The following ADAMTS20 variants were observed in gnomAD, a reference collection of about 807,000 sequenced individuals.
The protein encoded by ADAMTS20 is ADAM metallopeptidase with thrombospondin type 1 motif 20, also known as A disintegrin and metalloproteinase with thrombospondin motifs 20.
Under a neutral mutation model 260.1 loss-of-function variants are expected in ADAMTS20, and 225 were observed. That is an observed-to-expected ratio of 0.87 (90% confidence interval 0.78 to 0.97). ADAMTS20 has a LOEUF of 0.97. ADAMTS20 is among the 50% of genes least tolerant of loss of function. The pLI is 0.00. For missense variants in ADAMTS20, 2,400 were observed against 2,337.7 expected, an observed-to-expected ratio of 1.03 and a Z score of -0.55; for synonymous variants, 802 against 769.5, an observed-to-expected ratio of 1.04 and a Z score of -0.70.
At chr12:43,457,509 C>T (rs1278860524) in intron 11 of ADAMTS20, among the ~76,000 whole-genome samples, 1 of 152,142 alleles carries the variant, frequency 6.6e-6, no homozygotes, top group Non-Finnish European at 1.5e-5. Flanking sequence ...TGACTATTTA[C>T]TAGAATGTCT....
intron 10 of ADAMTS20, among the ~76,000 whole-genome samples, chr12:43,464,041 T>C (rs944553672): frequency 5.3e-5 from 8 of 152,124 alleles, no homozygotes; most frequent in African/African-American, 1.4e-4. Context: ...ATCATAATTA[T>C]AGATCTAATA....
At chr12:43,492,239 G>T (rs1022263899) in intron 6 of ADAMTS20, among the ~76,000 whole-genome samples, 1 of 151,974 alleles carries the variant, frequency 6.6e-6, no homozygotes, top group African/African-American at 2.4e-5. Context: ...AATTAGCCGG[G>T]CGTGGTGGCG....
chr12:43,365,051 T>TA (rs1405675053), intron 37 of ADAMTS20, among the ~76,000 whole-genome samples: 2 of 151,900 alleles, frequency 1.3e-5, no homozygotes, highest in African/African-American at 4.8e-5. Context: ...CCCAATAAGA[T>TA]AAACAGCTGA....
chr12:43,421,993 A>G (rs533929072), intron 28 of ADAMTS20, among the ~76,000 whole-genome samples: 9 of 152,154 alleles, frequency 5.9e-5, no homozygotes, highest in African/African-American at 2.2e-4. Flanking sequence ...TTTAAGTGCA[A>G]GGAGTAAAAA....
At chr12:43,482,347 G>T (rs1339687281) in intron 7 of ADAMTS20, among the ~76,000 whole-genome samples, 1 of 152,246 alleles carries the variant, frequency 6.6e-6, no homozygotes, top group East Asian at 1.9e-4. Context: ...AGGAAAGGGT[G>T]TGGCGTGAAA....
intron 28 of ADAMTS20, among the ~76,000 whole-genome samples, chr12:43,415,888 T>A (rs1429571109): frequency 1.3e-5 from 2 of 152,240 alleles, no homozygotes; most frequent in Non-Finnish European, 2.9e-5. Context: ...AATCTTGTTA[T>A]GCATCATCAG....
chr12:43,493,152 T>A lies in ADAMTS20; in HGVS notation c.951+18A>T. On this transcript the variant is annotated intron_variant, in intron 5 of 38. Transcript: ENST00000389420. ...ACTTACTACAACTAAGGTTACTAAT[T>A]TTAGACCTGTTTCTTACCTCCTCAC... 1 of 1,519,582 alleles carries A rather than the reference T, an allele frequency of 6.6e-7. No individual in the cohort carries two copies. The highest frequency in any genetic ancestry group is 2.4e-5 in the East Asian group (1 of 41,986). The allele number at this position is 1,519,582 out of a possible 1,614,324, so 94.1% of individuals were successfully genotyped here. A position where few individuals can be genotyped will look rare whatever the true frequency, so the allele number is the denominator to read the frequency against.
intron 28 of ADAMTS20, among the ~76,000 whole-genome samples, chr12:43,406,371 T>C (rs1427473515): frequency 6.6e-6 from 1 of 152,124 alleles, no homozygotes; most frequent in Non-Finnish European, 1.5e-5. Flanking sequence ...TTAAAAATTT[T>C]TAATAAAAAA....
chr12:43,524,754 T>C (rs1943118879), intron 3 of ADAMTS20, among the ~76,000 whole-genome samples: 1 of 152,110 alleles, frequency 6.6e-6, no homozygotes, highest in African/African-American at 2.4e-5. Context: ...ACAATTACAA[T>C]GAAGCATTTC....
rs201109733 is a variant in ADAMTS20 at position 43,377,362 on chromosome 12, G to A, written c.4995+3C>T. On this transcript the variant is annotated splice_donor_region_variant and intron_variant, in intron 32 of 38. Coordinates refer to ENST00000389420, the MANE Select transcript of ADAMTS20 (RefSeq NM_025003.5). ...GTTTTAAAATTCATAATTGTACACC[G>A]ACCTTGCTCCATTTTCCAACTTTCC... The A allele has an allele frequency of 4.3e-5, 69 of 1,607,052 alleles. No homozygotes were observed. Among genetic ancestry groups the A allele is most frequent in the East Asian group, 2.0e-4 (9 of 44,814 alleles).
chr12:43,448,314 T>C (rs1941800183), intron 14 of ADAMTS20, among the ~76,000 whole-genome samples: 1 of 151,934 alleles, frequency 6.6e-6, no homozygotes, highest in Non-Finnish European at 1.5e-5. Flanking sequence ...TGGAACAGAA[T>C]AGAAAGACCA....
rs559060196 is a variant in ADAMTS20 at position 43,538,757 on chromosome 12, A to T, written c.454-6562T>A. 8.5e-5 allele frequency among the ~76,000 whole-genome samples: 13 copies of T among 152,326 alleles called. No homozygotes were observed. In the East Asian group the frequency reaches 2.5e-3, roughly 29 times the overall value. The stretch of plus-strand genomic sequence containing the variant: ...TCTTTCCACTGATATTTATTATTAC[A>T]TTGAAATCTCCTTAAAGGTAAGAAC... On this transcript the variant is annotated intron_variant, in intron 2 of 38. Transcript: ENST00000389420.
At chr12:43,510,233 G>C (rs1942903814) in intron 3 of ADAMTS20, among the ~76,000 whole-genome samples, 1 of 151,666 alleles carries the variant, frequency 6.6e-6, no homozygotes, top group Non-Finnish European at 1.5e-5. Context: ...CATAAAATTT[G>C]TATAATGAGC....
At position 43,399,094 on chromosome 12, in the gene ADAMTS20, G is replaced by A; in HGVS notation, c.4424C>T (p.Pro1475Leu). The A allele has an allele frequency of 2.0e-6, 3 of 1,530,700 alleles. No homozygotes were observed. The highest frequency in any genetic ancestry group is 2.6e-6 in the Non-Finnish European group (3 of 1,137,340). 94.8% of individuals were successfully genotyped at this position (1,530,700 alleles called of 1,614,324 possible). Residue 1475 changes from proline to leucine, a missense_variant, in exon 29 of 39, where the codon CCT (proline) becomes CTT (leucine). Pro to Leu is a moderately conservative substitution (Grantham distance 98, BLOSUM62 -3). Coordinates refer to ENST00000389420, the MANE Select transcript of ADAMTS20 (RefSeq NM_025003.5). ...THKACRSVRC[P>L]SWKANSWNEC... ...ATTCCAGCTATTGGCTTTCCATGAA[G>A]GGCATCTGACAGATCTACAGGCTTT... is the stretch of plus-strand genomic sequence containing the variant.
intron 4 of ADAMTS20, among the ~76,000 whole-genome samples, chr12:43,494,829 T>G (rs115073701): frequency 0.023 from 3,467 of 152,314 alleles, 56 homozygotes; most frequent in South Asian, 0.033. Context: ...TGGAGTTACT[T>G]TGATCCTGTG....
chr12:43,518,929 C>T (rs776715636), intron 3 of ADAMTS20, among the ~76,000 whole-genome samples: 13 of 152,186 alleles, frequency 8.5e-5, no homozygotes, highest in South Asian at 6.2e-4. Context: ...GGACACCTCT[C>T]GCTTTCTTCA....
At chr12:43,492,261 T>C (rs912118654) in intron 6 of ADAMTS20, among the ~76,000 whole-genome samples, 79 of 151,964 alleles carry the variant, frequency 5.2e-4, no homozygotes, top group African/African-American at 1.6e-3. Context: ...GCGCCTGTAG[T>C]CCCAGCTACT....
intron 3 of ADAMTS20, among the ~76,000 whole-genome samples, chr12:43,506,780 CT>C (rs146293853): frequency 0.36 from 50,179 of 140,998 alleles, 9,275 homozygotes; most frequent in East Asian, 0.71. Flanking sequence ...GCCTGGCCAC[CT>C]TTTTTTTTTT....
chr12:43,466,765 T>C lies in ADAMTS20; in HGVS notation c.1254A>G (p.Arg418=). ...TLGVQHDDNP[R]CKEMKVTKYH... Reference sequence around the variant, plus strand: ...ACTTTGTAACTTTCATTTCTTTACATCTAGGATTATCATCATGTTGAACAC... The same window carrying C: ...ACTTTGTAACTTTCATTTCTTTACACCTAGGATTATCATCATGTTGAACAC... The change falls in exon 9 of 39, where the codon AGA becomes AGG. Residue 418 remains arginine (R), a synonymous_variant. Transcript: ENST00000389420. 6.2e-7 allele frequency: 1 copy of C among 1,605,144 alleles called. No homozygotes were observed.
Sources: allele counts gnomAD v4.1 joint callset (sites outside exome capture counted in the v4.1 genomes callset), GRCh38; gene constraint gnomAD v4.1.1; transcripts MANE v1.5; gene names NCBI Gene and HGNC (gene_info 2026-07-23, HGNC 2026-07-21).